MYO6: variants seen among roughly 807,000 people sequenced by gnomAD.
The protein encoded by MYO6 is unconventional myosin-VI.
MYO6 carries 74 observed loss-of-function variants against 178.7 expected under a neutral mutation model. That is an observed-to-expected ratio of 0.41 (90% confidence interval 0.34 to 0.50). The LOEUF (loss-of-function observed/expected upper bound fraction) is 0.50, where lower values mean the gene tolerates loss of function less well. Ranked by LOEUF, MYO6 falls within the 20% of genes least tolerant of loss-of-function variation. The probability of loss-of-function intolerance (pLI) is 0.09; values close to 1 mark genes in which losing one functional copy is unlikely to be tolerated. For missense variants in MYO6, 1,330 were observed against 1,547.4 expected (o/e 0.86, Z 2.36); for synonymous variants, 477 against 504.6 (o/e 0.95, Z 0.73).
intron 1 of MYO6, among the ~76,000 whole-genome samples, chr6:75,805,823 A>G (rs111489121): frequency 1.2e-3 from 181 of 152,340 alleles, no homozygotes; most frequent in African/African-American, 4.2e-3. Context: ...TGTGCAAAGT[A>G]TATGTAGTTA....
chr6:75,907,794 A>ATGTGTGTGTG lies in MYO6; in HGVS notation c.3280+100_3280+109dup, dbSNP rs71002774. On this transcript the variant is annotated intron_variant, in intron 31 of 34. Transcript: ENST00000369977. ...AGATTAGGGTGAGGTGTGTGTGTGT[A>ATGTGTGTGTG]TGTGTGTGTGTGTGTGTGTGTGTAT... The ATGTGTGTGTG allele has an allele frequency of 0.015, 11,463 of 750,160 alleles. 86 individuals are homozygous for ATGTGTGTGTG. The highest frequency in any genetic ancestry group is 0.1 in the East Asian group (3,732 of 36,864). 46.5% of individuals were successfully genotyped at this position (750,160 alleles called of 1,614,324 possible).
intron 1 of MYO6, among the ~76,000 whole-genome samples, chr6:75,799,156 A>G (rs1266834082): frequency 6.6e-6 from 1 of 152,172 alleles, no homozygotes; most frequent in African/African-American, 2.4e-5. Context: ...TGGGAGGCCA[A>G]GGCGGGTGGA....
intron 1 of MYO6, among the ~76,000 whole-genome samples, chr6:75,796,850 T>C (rs1006614181): frequency 6.6e-5 from 10 of 152,162 alleles, no homozygotes; most frequent in Non-Finnish European, 1.5e-4. Context: ...GGTTTTCTGT[T>C]CCTGTGTTAA....
chr6:75,820,713 T>TA lies in MYO6; in HGVS notation c.118-2067dup, dbSNP rs562131824. Among the ~76,000 whole-genome samples, 41 of 152,296 alleles carry TA rather than the reference T, an allele frequency of 2.7e-4. No homozygotes were observed. In the South Asian group the frequency reaches 8.5e-3, roughly 32 times the overall value. ...GCTTAGAAACTACTTATTTTTCTTT[T>TA]AAGACTCTGATTGAGGTCACCTTGT... On this transcript the variant is annotated intron_variant, in intron 2 of 34. Coordinates refer to ENST00000369977, the MANE Select transcript of MYO6 (RefSeq NM_004999.4).
At chr6:75,892,486 A>G (rs1276848023) in intron 27 of MYO6, 44 bp from the exon 28 acceptor site, 1 of 1,613,362 alleles carries the variant, frequency 6.2e-7, no homozygotes, top group East Asian at 2.2e-5. Context: ...GATCAAGTAA[A>G]CAAGTGAAGA....
chr6:75,764,067 A>T (rs1429040536), intron 1 of MYO6, among the ~76,000 whole-genome samples: 2 of 151,978 alleles, frequency 1.3e-5, no homozygotes, highest in African/African-American at 2.4e-5. Context: ...TGTTTTTTAG[A>T]GATAGAGTCT....
chr6:75,830,601 A>G, intron 5 of MYO6, 56 bp downstream of exon 5: 8 of 1,529,932 alleles, frequency 5.2e-6, no homozygotes, highest in Non-Finnish European at 7.2e-6. Flanking sequence ...GTACAAATTT[A>G]CTCAATTTTT....
At chr6:75,786,256 C>G (rs1034920784) in intron 1 of MYO6, among the ~76,000 whole-genome samples, 3 of 152,086 alleles carry the variant, frequency 2.0e-5, no homozygotes, top group African/African-American at 7.2e-5. Context: ...AATCTTTGCT[C>G]TTTTTCCTTG....
intron 1 of MYO6, among the ~76,000 whole-genome samples, chr6:75,785,299 C>A (rs1404176186): frequency 1.3e-5 from 2 of 152,080 alleles, no homozygotes; most frequent in Non-Finnish European, 2.9e-5. Context: ...AAAAGAAAGT[C>A]ATAAGAATAG....
chr6:75,870,366 A>G (rs761140406), intron 18 of MYO6, among the ~76,000 whole-genome samples: 5 of 152,054 alleles, frequency 3.3e-5, no homozygotes, highest in Non-Finnish European at 7.4e-5. Flanking sequence ...TTCCTCATTC[A>G]TTCCATCTGC....
chr6:75,881,948 C>T, intron 23 of MYO6, 130 bp downstream of exon 23: 1 of 1,041,274 alleles, frequency 9.6e-7, no homozygotes. Context: ...GTCCCAGGTT[C>T]CTATTTGTAG....
At chr6:75,787,686 CTCTCT>C (rs1767725115) in intron 1 of MYO6, among the ~76,000 whole-genome samples, 1 of 17,200 alleles carries the variant, frequency 5.8e-5, no homozygotes, top group Non-Finnish European at 8.7e-5. Flanking sequence ...TTCTCTCTCT[CTCTCT>C]CTCTCTCTCT....
chr6:75,761,679 T>C (rs975327386), intron 1 of MYO6, among the ~76,000 whole-genome samples: 2 of 151,750 alleles, frequency 1.3e-5, no homozygotes, highest in Non-Finnish European at 2.9e-5. Flanking sequence ...TACAGAGGGC[T>C]ATTATTTATT....
intron 17 of MYO6, 71 bp downstream of exon 17, chr6:75,866,692 GTCACGTGGTTATTAATTATT>G (rs1031697171): frequency 3.0e-6 from 4 of 1,312,112 alleles, no homozygotes; most frequent in East Asian, 2.3e-5. Context: ...ATAGCTTCTA[GTCACGTGGTTATTAATTATT>G]TCACGTGGTT....
chr6:75,783,798 G>A (rs1451914078), intron 1 of MYO6, among the ~76,000 whole-genome samples: 1 of 152,022 alleles, frequency 6.6e-6, no homozygotes, highest in Admixed American at 6.6e-5. Flanking sequence ...ATAATTACAT[G>A]ACCTTTATTT....
chr6:75,760,263 A>G (rs1021378050), intron 1 of MYO6, among the ~76,000 whole-genome samples: 2 of 152,148 alleles, frequency 1.3e-5, no homozygotes, highest in Non-Finnish European at 2.9e-5. Flanking sequence ...AGTTAATCTT[A>G]GTTCTGGCAA....
At chr6:75,753,556 G>A (rs1402115399) in intron 1 of MYO6, among the ~76,000 whole-genome samples, 1 of 151,272 alleles carries the variant, frequency 6.6e-6, no homozygotes, top group African/African-American at 2.4e-5. Flanking sequence ...CCATCTCCCA[G>A]GCTCAAGTGA....
At position 75,915,247 on chromosome 6, in the gene MYO6, A is replaced by G; in HGVS notation, c.*235A>G. The G allele has an allele frequency of 1.8e-6, 1 of 553,368 alleles. No individual in the cohort carries two copies. Among genetic ancestry groups the G allele is most frequent in the Middle Eastern group, 5.0e-4 (1 of 1,994 alleles). The allele number at this position is 553,368 out of a possible 1,614,324, so 34.3% of individuals were successfully genotyped here. ...ATTCCCAAAACTCTCATTATTCTCTAACTATTACACATGGGCATATTCTGA... is the reference window on the plus strand; with the variant it reads ...ATTCCCAAAACTCTCATTATTCTCTGACTATTACACATGGGCATATTCTGA... On this transcript the variant is annotated 3_prime_UTR_variant, in exon 35 of 35. Transcript: ENST00000369977.
rs1365126217 is a variant in MYO6 at position 75,886,973 on chromosome 6, T to C, written c.2637T>C (p.Asp879=). Residue 879 remains aspartate (D), a synonymous_variant, in exon 25 of 35, where the codon GAT becomes GAC. Transcript: ENST00000369977. Reference sequence around the variant, plus strand: ...TCAAGAATCTGGAAATTTCTATTGATACTTTGATGGCCAAAATTAAGGTAT... The same window carrying C: ...TCAAGAATCTGGAAATTTCTATTGACACTTTGATGGCCAAAATTAAGGTAT... ...KQIKNLEISI[D]TLMAKIKSTM... is the part of the protein sequence containing the mutation. 6.2e-7 allele frequency: 1 copy of C among 1,613,640 alleles called. No homozygotes were observed. Among genetic ancestry groups the C allele is most frequent in the African/African-American group, 1.3e-5 (1 of 74,922 alleles).
Sources: allele counts gnomAD v4.1 joint callset (sites outside exome capture counted in the v4.1 genomes callset), GRCh38; gene constraint gnomAD v4.1.1; transcripts MANE v1.5; gene names NCBI Gene and HGNC (gene_info 2026-07-23, HGNC 2026-07-21).